RUNX3: variants seen among roughly 807,000 people sequenced by gnomAD.
The protein encoded by RUNX3 is runt-related transcription factor 3.
In RUNX3, 10 loss-of-function variants were observed where a neutral mutation model predicts 27.7. That is an observed-to-expected ratio of 0.36 (90% confidence interval 0.22 to 0.61). The LOEUF is 0.61. RUNX3 is among the 20% of genes least tolerant of loss of function. The pLI is 0.72. For synonymous variants in RUNX3, 270 were observed against 269.2 expected (o/e 1.00, Z -0.03); for missense variants, 469 against 629.5 (o/e 0.75, Z 2.73).
rs1571295081 is a variant in RUNX3 at position 24,900,776 on chromosome 1, T to G, written c.*1346A>C. ...TTTCCCTCGTCCTCCCAGGGGAGCC[T>G]GTGGTGCAGGCTGGTGGGATGCTGC... is the stretch of plus-strand genomic sequence containing the variant. On this transcript the variant is annotated 3_prime_UTR_variant, in exon 5 of 5. Coordinates refer to ENST00000308873, the MANE Select transcript of RUNX3 (RefSeq NM_004350.3). 6.6e-6 allele frequency: 1 copy of G among 152,208 alleles called. No individual in the cohort carries two copies. Among genetic ancestry groups the G allele is most frequent in the East Asian group, 1.9e-4 (1 of 5,224 alleles). 9.4% of individuals were successfully genotyped at this position (152,208 alleles called of 1,614,324 possible).
exon 2 of RUNX3, chr1:24,964,563 C>T (rs755295660): frequency 1.4e-5 from 23 of 1,610,728 alleles, no homozygotes; most frequent in African/African-American, 4.0e-5. Context: ...AGATGCTGTT[C>T]GATGCCATGC....
At chr1:24,952,992 A>C (rs1402587849) in intron 2 of RUNX3, among the ~76,000 whole-genome samples, 1 of 152,188 alleles carries the variant, frequency 6.6e-6, no homozygotes, top group Non-Finnish European at 1.5e-5. Context: ...TAAAAACTTA[A>C]AATTTTTACT....
chr1:24,950,291 C>T (rs1453811907), intron 2 of RUNX3, among the ~76,000 whole-genome samples: 2 of 152,150 alleles, frequency 1.3e-5, no homozygotes, highest in Non-Finnish European at 2.9e-5. Context: ...CTCACAGATG[C>T]TCAGGGGCCA....
At chr1:24,944,846 G>A (rs1641565107) in intron 2 of RUNX3, among the ~76,000 whole-genome samples, 1 of 152,186 alleles carries the variant, frequency 6.6e-6, no homozygotes, top group African/African-American at 2.4e-5. Flanking sequence ...CCCTGACCTT[G>A]ATCTTGGCCA....
intron 3 of RUNX3, among the ~76,000 whole-genome samples, chr1:24,909,614 GC>G (rs1352019170): frequency 6.6e-6 from 1 of 152,198 alleles, no homozygotes; most frequent in African/African-American, 2.4e-5. Context: ...TTTCCTGCTG[GC>G]CACTGGAGGC....
intron 3 of RUNX3, among the ~76,000 whole-genome samples, chr1:24,908,314 A>G (rs542375387): frequency 8.6e-5 from 13 of 150,402 alleles, no homozygotes; most frequent in South Asian, 4.2e-4. Context: ...TCTACGACAC[A>G]CGGTGATCCA....
At chr1:24,919,762 C>CA (rs1053827423) in intron 2 of RUNX3, among the ~76,000 whole-genome samples, 1 of 151,722 alleles carries the variant, frequency 6.6e-6, no homozygotes, top group African/African-American at 2.4e-5. Flanking sequence ...ACCCCCCCCC[C>CA]ACGGTTCCAC....
chr1:24,926,107 G>A (rs902862595), intron 2 of RUNX3, among the ~76,000 whole-genome samples: 8 of 152,152 alleles, frequency 5.3e-5, no homozygotes, highest in South Asian at 2.1e-4. Context: ...TGCCCGCCTC[G>A]CAACAGGCAG....
At chr1:24,940,977 G>A (rs1000678848) in intron 2 of RUNX3, among the ~76,000 whole-genome samples, 1 of 152,170 alleles carries the variant, frequency 6.6e-6, no homozygotes, top group Admixed American at 6.5e-5. Flanking sequence ...TTAAAGGAAA[G>A]CAAAAGATAA....
chr1:24,953,918 GT>G (rs879752584), intron 2 of RUNX3, among the ~76,000 whole-genome samples: 17 of 147,368 alleles, frequency 1.2e-4, no homozygotes, highest in East Asian at 3.9e-4. Context: ...TTAATGTGTG[GT>G]TTTTTTTTTT....
At chr1:24,911,037 A>G (rs927213951) in intron 3 of RUNX3, among the ~76,000 whole-genome samples, 7 of 152,304 alleles carry the variant, frequency 4.6e-5, no homozygotes, top group South Asian at 2.1e-4. Context: ...CCAATTCCAG[A>G]CCGAGTCCTC....
rs1268976256 is a variant in RUNX3 at position 24,962,180 on chromosome 1, G to T, written c.58+2334C>A. On this transcript the variant is annotated intron_variant, in intron 2 of 6. Coordinates refer to the RUNX3 transcript ENST00000338888. The surrounding 1 kb of genome is among the most constrained non-coding windows in gnomAD (Gnocchi z 4.5). ...TCACAACTGCATGGCCCACCGCGGG[G>T]TCTTGTCACTCAGTGAGTTCTTGAA... 1 of 152,208 alleles carries T rather than the reference G, an allele frequency of 6.6e-6. No homozygotes were observed. Among genetic ancestry groups the T allele is most frequent in the Non-Finnish European group, 1.5e-5 (1 of 68,032 alleles). The allele number at this position is 152,208 out of a possible 1,614,324, so 9.4% of individuals were successfully genotyped here. A position where few individuals can be genotyped will look rare whatever the true frequency, so the allele number is the denominator to read the frequency against.
chr1:24,902,768 G>C lies in RUNX3; in HGVS notation c.704-102C>G. ...TCTGGTTCCCAAGGCCCATCTGGGGGACCCCTAGTTCTAGACCTGGCTCTC... is the reference window on the plus strand; with the variant it reads ...TCTGGTTCCCAAGGCCCATCTGGGGCACCCCTAGTTCTAGACCTGGCTCTC... On this transcript the variant is annotated intron_variant, in intron 4 of 4. Transcript: ENST00000308873. This position sits in a 1 kb window ranked among gnomAD's most constrained non-coding sequence, Gnocchi z 9.2. 1 of 1,079,120 alleles carries C rather than the reference G, an allele frequency of 9.3e-7. No homozygotes were observed. Among genetic ancestry groups the C allele is most frequent in the South Asian group, 2.1e-5 (1 of 46,892 alleles). 66.8% of individuals were successfully genotyped at this position (1,079,120 alleles called of 1,614,324 possible).
rs1237658478 is a variant in RUNX3, at chr1:24,904,086, T to C, written c.704-1420A>G. Among the ~76,000 whole-genome samples the C allele has an allele frequency of 6.6e-6, 1 of 152,050 alleles. No homozygotes were observed. Among genetic ancestry groups the C allele is most frequent in the African/African-American group, 2.4e-5 (1 of 41,394 alleles). ...CTGGTGCAGGGCCTCCCTTCTACTC[T>C]GGCAGCCGGGGGAGGTGGATGAGCC... On this transcript the variant is annotated intron_variant, in intron 4 of 4. Coordinates refer to ENST00000308873, the MANE Select transcript of RUNX3 (RefSeq NM_004350.3). The surrounding 1 kb of genome is among the most constrained non-coding windows in gnomAD (Gnocchi z 5.7).
intron 4 of RUNX3, among the ~76,000 whole-genome samples, chr1:24,903,294 G>T (rs977391085): frequency 1.3e-5 from 2 of 152,210 alleles, no homozygotes; most frequent in African/African-American, 4.8e-5. Context: ...CTCACACCTG[G>T]GTTGTGGGCA....
At chr1:24,919,753 C>A (rs1003552895) in intron 2 of RUNX3, among the ~76,000 whole-genome samples, 1 of 125,342 alleles carries the variant, frequency 8.0e-6, no homozygotes, top group African/African-American at 3.6e-5. Context: ...AGAAAAGACA[C>A]CCCCCCCCCA....
At chr1:24,958,119 G>A (rs558889328) in intron 2 of RUNX3, among the ~76,000 whole-genome samples, 5 of 152,146 alleles carry the variant, frequency 3.3e-5, no homozygotes, top group Non-Finnish European at 5.9e-5. Flanking sequence ...TCAGGAGGCC[G>A]GCCTGTGCCA....
chr1:24,964,454 G>T, intron 2 of RUNX3: 2 of 1,409,926 alleles, frequency 1.4e-6, no homozygotes, highest in Non-Finnish European at 2.0e-6. Flanking sequence ...TCAGTGGAGG[G>T]ACGTGGTCCG....
chr1:24,908,612 G>A (rs1391796661), intron 3 of RUNX3, among the ~76,000 whole-genome samples: 1 of 152,194 alleles, frequency 6.6e-6, no homozygotes, highest in Non-Finnish European at 1.5e-5. Flanking sequence ...GCTGCAGTGA[G>A]CTGATTGTAC....
Sources: gnomAD v4.1 joint callset for allele counts (sites outside exome capture counted in the v4.1 genomes callset) on GRCh38, gnomAD v4.1.1 for gene constraint, Gnocchi (gnomAD v3.1) non-coding constraint, MANE v1.5 for transcripts, NCBI Gene and HGNC (gene_info 2026-07-23, HGNC 2026-07-21) for gene names.